VEZT: variants seen among roughly 807,000 people sequenced by gnomAD.
VEZT encodes the protein vezatin.
In VEZT, 39 loss-of-function variants were observed where a neutral mutation model predicts 79.9. That is an observed-to-expected ratio of 0.49 (90% confidence interval 0.38 to 0.64). VEZT has a LOEUF of 0.64. Among genes scored for constraint, VEZT ranks in the 30% least tolerant of loss-of-function variants. VEZT has a pLI of 0.00. For synonymous variants in VEZT, 325 were observed against 327.6 expected (o/e 0.99, Z 0.09); for missense variants, 837 against 893.1 (o/e 0.94, Z 0.80).
At chr12:95,255,120 A>G (rs1326323620) in intron 2 of VEZT, among the ~76,000 whole-genome samples, 1 of 152,066 alleles carries the variant, frequency 6.6e-6, no homozygotes. Flanking sequence ...GCTCAGATTC[A>G]ACTTGTCTAA....
intron 2 of VEZT, 137 bp from the exon 3 acceptor site, chr12:95,257,013 A>G (rs2063576240): frequency 1.6e-6 from 1 of 629,382 alleles, no homozygotes; most frequent in Non-Finnish European, 2.6e-6. Context: ...ATGTACTGAC[A>G]AGGTATATAA....
chr12:95,280,770 T>C (rs1013921262), intron 7 of VEZT, among the ~76,000 whole-genome samples: 2 of 152,170 alleles, frequency 1.3e-5, no homozygotes, highest in African/African-American at 2.4e-5. Flanking sequence ...TGGCACATCA[T>C]GGGTGCTCAA....
At chr12:95,243,317 G>A (rs996845434) in intron 1 of VEZT, among the ~76,000 whole-genome samples, 1 of 146,500 alleles carries the variant, frequency 6.8e-6, no homozygotes, top group African/African-American at 2.5e-5. Context: ...AGCAGAGATA[G>A]TGTCACTGCA....
chr12:95,255,465 G>A (rs756110178), intron 2 of VEZT, among the ~76,000 whole-genome samples: 23 of 152,226 alleles, frequency 1.5e-4, no homozygotes, highest in African/African-American at 3.9e-4. Context: ...GGAGTCTCGC[G>A]CTGTCGCCCA....
chr12:95,269,970 A>G, intron 5 of VEZT, 81 bp from the exon 6 acceptor site: 1 of 1,480,390 alleles, frequency 6.8e-7, no homozygotes, highest in Non-Finnish European at 9.1e-7. Context: ...TACATTTAAT[A>G]GAATTGTGGA....
intron 7 of VEZT, among the ~76,000 whole-genome samples, chr12:95,280,549 ACACAC>A (rs2068827098): frequency 6.7e-6 from 1 of 149,466 alleles, no homozygotes; most frequent in African/African-American, 2.5e-5. Context: ...ACACACACAC[ACACAC>A]TATTCCTCTT....
chr12:95,287,748 A>AT lies in VEZT; in HGVS notation c.1413_1414insT (p.Glu472Ter). ...TAGTGTCAGAGGCTTATCCCATCCT[A>AT]GAACAGAAATTAAAGTTGATTCAGC... is the stretch of plus-strand genomic sequence containing the variant. On this transcript the variant is annotated frameshift_variant, in exon 9 of 12. Transcript: ENST00000436874. LOFTEE classifies it high-confidence loss of function. 1.9e-6 allele frequency: 3 copies of AT among 1,604,688 alleles called. No individual in the cohort carries two copies. The highest frequency in any genetic ancestry group is 2.6e-6 in the Non-Finnish European group (3 of 1,175,076).
intron 2 of VEZT, among the ~76,000 whole-genome samples, chr12:95,254,624 A>G (rs1472794092): frequency 6.6e-6 from 1 of 152,162 alleles, no homozygotes; most frequent in African/African-American, 2.4e-5. Context: ...GATTACAGGC[A>G]TGAGCCACCA....
chr12:95,301,786 G>T lies in VEZT; in HGVS notation c.*1113G>T, dbSNP rs2075239791. On this transcript the variant is annotated 3_prime_UTR_variant, in exon 12 of 12. Transcript: ENST00000436874. The stretch of plus-strand genomic sequence containing the variant: ...TGCTGTCCTAGAAAGGAAATTGCAT[G>T]ATGAATCTAGATTGTCTTTAGAGTA... The T allele has an allele frequency of 6.6e-6, 1 of 152,182 alleles. No individual in the cohort carries two copies. Among genetic ancestry groups the T allele is most frequent in the Admixed American group, 6.5e-5 (1 of 15,274 alleles). The allele number at this position is 152,182 out of a possible 1,614,324, so 9.4% of individuals were successfully genotyped here.
chr12:95,259,710 C>T (rs1423931300), intron 3 of VEZT, among the ~76,000 whole-genome samples: 1 of 152,170 alleles, frequency 6.6e-6, no homozygotes, highest in Non-Finnish European at 1.5e-5. Flanking sequence ...TCAGAATTAG[C>T]ACCTTTTCAG....
At chr12:95,266,281 G>T in intron 4 of VEZT, 76 bp from the exon 5 acceptor site, 2 of 1,449,052 alleles carry the variant, frequency 1.4e-6, no homozygotes, top group Non-Finnish European at 1.9e-6. Context: ...TTTAAATTTT[G>T]TTTTTACTGA....
At chr12:95,224,082 G>A in intron 1 of VEZT, 1 of 435,278 alleles carries the variant, frequency 2.3e-6, no homozygotes, top group Non-Finnish European at 4.7e-6. Flanking sequence ...GTTATCATTG[G>A]TGATTATTTT....
intron 11 of VEZT, chr12:95,296,549 C>A (rs1171180954): frequency 9.7e-6 from 2 of 206,654 alleles, no homozygotes; most frequent in African/African-American, 2.3e-5. Context: ...ATGTTATTTT[C>A]AAATTTAGTG....
At chr12:95,252,197 T>C in intron 2 of VEZT, 126 bp downstream of exon 2, 1 of 1,022,790 alleles carries the variant, frequency 9.8e-7, no homozygotes, top group Non-Finnish European at 1.3e-6. Flanking sequence ...TCATCAATAG[T>C]ACAAAACTTT....
intron 2 of VEZT, among the ~76,000 whole-genome samples, chr12:95,255,723 C>T (rs1412271063): frequency 6.6e-6 from 1 of 151,968 alleles, no homozygotes; most frequent in Non-Finnish European, 1.5e-5. Flanking sequence ...GAGCCACCGC[C>T]CCCGGCCTTG....
At chr12:95,258,461 C>T (rs901867636) in intron 3 of VEZT, among the ~76,000 whole-genome samples, 2 of 152,146 alleles carry the variant, frequency 1.3e-5, no homozygotes, top group African/African-American at 2.4e-5. Context: ...TATAAGAATA[C>T]ATACCTAAGG....
chr12:95,228,765 A>C (rs1439457706), intron 1 of VEZT, among the ~76,000 whole-genome samples: 1 of 152,218 alleles, frequency 6.6e-6, no homozygotes, highest in East Asian at 1.9e-4. Context: ...ACAATTTAGG[A>C]GGCTGCGGTT....
chr12:95,284,563 C>T (rs1276480922), intron 8 of VEZT, among the ~76,000 whole-genome samples: 2 of 152,230 alleles, frequency 1.3e-5, no homozygotes, highest in Non-Finnish European at 2.9e-5. Context: ...ACAAAACATA[C>T]TATAGAAGGG....
At chr12:95,226,642 TTTTGGGTCA>T (rs147455081) in intron 1 of VEZT, among the ~76,000 whole-genome samples, 10,341 of 152,234 alleles carry the variant, frequency 0.068, 448 homozygotes, top group Middle Eastern at 0.12. Flanking sequence ...CTGTACTATA[TTTTGGGTCA>T]TTTGTATTTC....
Sources: gnomAD v4.1 joint callset for allele counts (sites outside exome capture counted in the v4.1 genomes callset) on GRCh38, gnomAD v4.1.1 for gene constraint, MANE v1.5 for transcripts, NCBI Gene and HGNC (gene_info 2026-07-23, HGNC 2026-07-21) for gene names.